DDAH1: variants seen among roughly 807,000 people sequenced by gnomAD.
The protein encoded by DDAH1 is dimethylarginine dimethylaminohydrolase 1, also known as N(G),N(G)-dimethylarginine dimethylaminohydrolase 1.
In DDAH1, 19 loss-of-function variants were observed where a neutral mutation model predicts 28.8. That is an observed-to-expected ratio of 0.66 (90% confidence interval 0.46 to 0.97). The LOEUF (loss-of-function observed/expected upper bound fraction) is 0.97, where lower values mean the gene tolerates loss of function less well. Ranked by LOEUF, DDAH1 falls within the 50% of genes least tolerant of loss-of-function variation. The pLI is 0.00. For missense variants in DDAH1, 326 were observed against 375.9 expected, an observed-to-expected ratio of 0.87 and a Z score of 1.10; for synonymous variants, 153 against 154.4, an observed-to-expected ratio of 0.99 and a Z score of 0.07.
intron 1 of DDAH1, among the ~76,000 whole-genome samples, chr1:85,507,527 T>TAAATAAACAAACAAACAAAC (rs71075841): frequency 1.4e-4 from 21 of 149,362 alleles, no homozygotes; most frequent in African/African-American, 4.7e-4. Flanking sequence ...AATAAATAAA[T>TAAATAAACAAACAAACAAAC]AAACAAACAA....
At chr1:85,439,479 T>C (rs1368961185) in intron 1 of DDAH1, among the ~76,000 whole-genome samples, 1 of 152,226 alleles carries the variant, frequency 6.6e-6, no homozygotes, top group Non-Finnish European at 1.5e-5. Context: ...TTCCATTACA[T>C]CCCTGGCTGC....
chr1:85,321,714 A>G (rs1467542864), intron 5 of DDAH1, 146 bp from the exon 6 acceptor site: 5 of 669,652 alleles, frequency 7.5e-6, no homozygotes, highest in Non-Finnish European at 1.3e-5. Context: ...ACACATGCCC[A>G]CAGTCATCCC....
At chr1:85,415,366 T>C (rs1382086631) in intron 1 of DDAH1, among the ~76,000 whole-genome samples, 1 of 152,160 alleles carries the variant, frequency 6.6e-6, no homozygotes, top group African/African-American at 2.4e-5. Context: ...TGAAAGCTAT[T>C]TCAGCAGTAC....
intron 1 of DDAH1, among the ~76,000 whole-genome samples, chr1:85,517,537 T>C (rs1276027674): frequency 6.6e-6 from 1 of 152,136 alleles, no homozygotes; most frequent in African/African-American, 2.4e-5. Context: ...CACCAAAATA[T>C]TGGTGCAAGC....
chr1:85,329,872 T>C (rs1647656531), intron 4 of DDAH1, among the ~76,000 whole-genome samples: 1 of 152,172 alleles, frequency 6.6e-6, no homozygotes, highest in Non-Finnish European at 1.5e-5. Context: ...GTGTAGCCTT[T>C]CTAAATAAAA....
At chr1:85,537,678 C>A (rs1332477198) in intron 1 of DDAH1, among the ~76,000 whole-genome samples, 2 of 149,594 alleles carry the variant, frequency 1.3e-5, no homozygotes, top group African/African-American at 5.0e-5. Context: ...TAATTTCAAA[C>A]AAACAGTAAT....
At chr1:85,355,718 A>C (rs1260617190) in intron 2 of DDAH1, among the ~76,000 whole-genome samples, 1 of 152,218 alleles carries the variant, frequency 6.6e-6, no homozygotes, top group Non-Finnish European at 1.5e-5. Flanking sequence ...GAAACACAGA[A>C]GATAATCCAC....
rs1194352095 is a variant in DDAH1, at chr1:85,531,875, C to T, written c.-122-35594G>A. On this transcript the variant is annotated intron_variant, in intron 1 of 6. Transcript: ENST00000426972. ...AAGTTAACCAATCTGCTTAAAGTCA[C>T]ACACAGCTAGAAAAAGGCAGGGCTG... 2.0e-5 allele frequency among the ~76,000 whole-genome samples: 3 copies of T among 150,296 alleles called. No homozygotes were observed. In the East Asian group the frequency reaches 5.8e-4, roughly 29 times the overall value.
intron 1 of DDAH1, among the ~76,000 whole-genome samples, chr1:85,500,663 T>G (rs1202060164): frequency 1.3e-5 from 2 of 152,158 alleles, no homozygotes; most frequent in African/African-American, 4.8e-5. Context: ...TCTGCCCCAA[T>G]TTCTCTTTCA....
intron 4 of DDAH1, among the ~76,000 whole-genome samples, chr1:85,346,360 C>T (rs1023769841): frequency 6.6e-6 from 1 of 152,214 alleles, no homozygotes; most frequent in Non-Finnish European, 1.5e-5. Flanking sequence ...CACACCTATC[C>T]TGAGACTGCT....
At chr1:85,571,106 G>C (rs1194627794) in intron 1 of DDAH1, among the ~76,000 whole-genome samples, 1 of 152,132 alleles carries the variant, frequency 6.6e-6, no homozygotes, top group Non-Finnish European at 1.5e-5. Flanking sequence ...TCATCTCAGA[G>C]GGCTCTCCTG....
Position 85,465,022 on chromosome 1 carries a change from G to C in DDAH1, c.24C>G (p.Ala8=), listed in dbSNP as rs1303338578. The change falls in exon 1 of 6, where the codon GCC becomes GCG. Residue 8 remains alanine (A), a synonymous_variant. Transcript: ENST00000284031. The part of the protein sequence containing the change: MAGLGHP[A]AFGRATHAVV... ...CGGCGTGGGTGGCCCGGCCGAAGGC[G>C]GCGGGGTGGCCGAGCCCGGCCATGG... 5 of 1,330,250 alleles carry C rather than the reference G, an allele frequency of 3.8e-6. No individual in the cohort carries two copies. The African/African-American group carries it at 7.6e-5, about 20-fold the overall frequency. 82.4% of individuals were successfully genotyped at this position (1,330,250 alleles called of 1,614,324 possible).
chr1:85,331,423 G>GTATGTATATGTATATATATATA lies in DDAH1; in HGVS notation c.598-6541_598-6540insTATATATATATACATATACATA, dbSNP rs111876317. Among the ~76,000 whole-genome samples, 332 of 148,546 alleles carry GTATGTATATGTATATATATATA rather than the reference G, an allele frequency of 2.2e-3. 1 individual carries two copies. Among genetic ancestry groups the GTATGTATATGTATATATATATA allele is most frequent in the Middle Eastern group, 0.011 (3 of 282 alleles). The stretch of plus-strand genomic sequence containing the variant: ...ATAATTGATCTTTATATTCATATAT[G>GTATGTATATGTATATATATATA]TATATATATATATATAACATAATGT... On this transcript the variant is annotated intron_variant, in intron 4 of 5. Coordinates refer to ENST00000284031, the MANE Select transcript of DDAH1 (RefSeq NM_012137.4).
intron 1 of DDAH1, among the ~76,000 whole-genome samples, chr1:85,405,320 C>T (rs1652353514): frequency 6.6e-6 from 1 of 152,140 alleles, no homozygotes; most frequent in African/African-American, 2.4e-5. Context: ...AGTCAAGCAT[C>T]TGAGGAAAAG....
intron 2 of DDAH1, among the ~76,000 whole-genome samples, chr1:85,481,485 A>G (rs1656013719): frequency 6.6e-6 from 1 of 152,240 alleles, no homozygotes; most frequent in Non-Finnish European, 1.5e-5. Context: ...TGTTATAGTT[A>G]CATACAAGAT....
chr1:85,345,546 C>A (rs1379323193), intron 4 of DDAH1, among the ~76,000 whole-genome samples: 3 of 152,114 alleles, frequency 2.0e-5, no homozygotes, highest in Non-Finnish European at 4.4e-5. Context: ...GTAATAATGT[C>A]TTCCTTTCTT....
At position 85,337,699 on chromosome 1, in the gene DDAH1, G is replaced by A. The variant is rs568663008; in HGVS notation, c.597+12716C>T. Among the ~76,000 whole-genome samples the A allele has an allele frequency of 1.4e-4, 22 of 152,146 alleles. 1 individual carries two copies. Among genetic ancestry groups the A allele is most frequent in the South Asian group, 6.2e-4 (3 of 4,818 alleles). ...AAACTCCTGACCTCGTGATCCACCC[G>A]CCTTGGCCTCCCAAAGTCCTGGCAT... is the stretch of plus-strand genomic sequence containing the variant. On this transcript the variant is annotated intron_variant, in intron 4 of 5. Transcript: ENST00000284031.
At chr1:85,539,221 A>G (rs1658394872) in intron 1 of DDAH1, among the ~76,000 whole-genome samples, 1 of 151,404 alleles carries the variant, frequency 6.6e-6, no homozygotes, top group African/African-American at 2.4e-5. Flanking sequence ...GTCTTGGCTC[A>G]CTGCAACCTC....
At chr1:85,577,873 C>T (rs879518272) in intron 1 of DDAH1, 12 of 708,020 alleles carry the variant, frequency 1.7e-5, no homozygotes, top group Non-Finnish European at 2.1e-5. Flanking sequence ...TCCAAGGCAG[C>T]CCAAGGAAAC....
Sources: gnomAD v4.1 joint callset for allele counts (sites outside exome capture counted in the v4.1 genomes callset) on GRCh38, gnomAD v4.1.1 for gene constraint, MANE v1.5 for transcripts, NCBI Gene and HGNC (gene_info 2026-07-23, HGNC 2026-07-21) for gene names.